CSMD1: variants seen among roughly 807,000 people sequenced by gnomAD.
The protein encoded by CSMD1 is CUB and Sushi multiple domains 1.
A neutral mutation model predicts 417.5 loss-of-function variants in CSMD1; 213 were observed. The observed-to-expected ratio is 0.51, with a 90% CI of 0.46 to 0.57. The LOEUF (loss-of-function observed/expected upper bound fraction) is 0.57. Ranked by LOEUF, CSMD1 falls within the 20% of genes least tolerant of loss-of-function variation. CSMD1 has a pLI of 0.00. For missense variants in CSMD1, 6,923 were observed against 4,529.7 expected (o/e 1.53, Z -15.17); for synonymous variants, 2,862 against 1,736.8 (o/e 1.65, Z -16.11).
At chr8:3,781,910 ACCC>A (rs1223515580) in intron 5 of CSMD1, among the ~76,000 whole-genome samples, 3 of 152,122 alleles carry the variant, frequency 2.0e-5, no homozygotes, top group African/African-American at 7.2e-5. Context: ...ATTTTGGTAG[ACCC>A]ATTTAATAAG....
Position 3,230,080 on chromosome 8 carries a change from A to T in CSMD1, c.4305T>A (p.Asn1435Lys). The T allele has an allele frequency of 1.9e-6, 3 of 1,611,846 alleles. No individual in the cohort carries two copies. The highest frequency in any genetic ancestry group is 2.5e-6 in the Non-Finnish European group (3 of 1,178,950). ...GQAKITCVQL[N>K]NRFFWQPDPP... ...GGTCTGGTTGCCAAAAGAACCGGTT[A>T]TTCAGCTGCACACAGGTGATTTTGG... The change falls in exon 27 of 70, where the codon AAT (asparagine) becomes AAA (lysine). Residue 1435 changes from asparagine to lysine, a missense_variant. Transcript: ENST00000635120.
At chr8:4,820,345 T>G (rs1336909541) in intron 1 of CSMD1, among the ~76,000 whole-genome samples, 1 of 152,172 alleles carries the variant, frequency 6.6e-6, no homozygotes, top group Non-Finnish European at 1.5e-5. Flanking sequence ...TATAAAAAGG[T>G]AAGAATGACT....
chr8:4,355,089 C>A (rs1026255355), intron 3 of CSMD1, among the ~76,000 whole-genome samples: 8 of 151,742 alleles, frequency 5.3e-5, no homozygotes, highest in African/African-American at 1.9e-4. Context: ...GGTGAAACCC[C>A]GTCTCTACTA....
At chr8:4,272,973 G>A (rs987935171) in intron 3 of CSMD1, among the ~76,000 whole-genome samples, 4 of 152,058 alleles carry the variant, frequency 2.6e-5, no homozygotes, top group Non-Finnish European at 5.9e-5. Flanking sequence ...TACAAAGGAA[G>A]GAAAACCACA....
At chr8:4,993,280 G>C (rs35789176) in intron 1 of CSMD1, among the ~76,000 whole-genome samples, 1 of 151,804 alleles carries the variant, frequency 6.6e-6, no homozygotes, top group African/African-American at 2.4e-5. Context: ...AGATACTCCC[G>C]GGAACATCTA....
intron 1 of CSMD1, chr8:4,788,097 G>T (rs1309802396): frequency 1.2e-6 from 2 of 1,603,498 alleles, no homozygotes; most frequent in African/African-American, 1.3e-5. Flanking sequence ...TTTGAAATCA[G>T]AAAGTCAGTG....
At chr8:3,853,940 G>T (rs1359430984) in intron 5 of CSMD1, among the ~76,000 whole-genome samples, 4 of 143,304 alleles carry the variant, frequency 2.8e-5, no homozygotes, top group Non-Finnish European at 4.5e-5. Flanking sequence ...ATATATTAAA[G>T]TATAATATAT....
intron 1 of CSMD1, among the ~76,000 whole-genome samples, chr8:4,726,218 C>T (rs1476134835): frequency 6.6e-6 from 1 of 151,990 alleles, no homozygotes; most frequent in Non-Finnish European, 1.5e-5. Context: ...CTTCATCACC[C>T]ATATTAGGGT....
chr8:4,746,064 A>G lies in CSMD1; in HGVS notation c.86-108506T>C, dbSNP rs555057098. ...AGTTTTTATTAAGATAATTTTTGTT[A>G]CTGTCAGCCCCTCACATCAGAAACC... On this transcript the variant is annotated intron_variant, in intron 1 of 69. Coordinates refer to ENST00000635120, the MANE Select transcript of CSMD1 (RefSeq NM_033225.6). Among the ~76,000 whole-genome samples, 20 of 152,296 alleles carry G rather than the reference A, an allele frequency of 1.3e-4. No homozygotes were observed. In the East Asian group the frequency reaches 3.7e-3, roughly 28 times the overall value.
At chr8:3,747,109 AAC>A (rs781754049) in intron 6 of CSMD1, among the ~76,000 whole-genome samples, 194 of 152,242 alleles carry the variant, frequency 1.3e-3, no homozygotes, top group Non-Finnish European at 2.3e-3. Context: ...TCGGTGGAGA[AAC>A]ACAGTTGTAA....
At chr8:4,773,625 T>G (rs1423316229) in intron 1 of CSMD1, among the ~76,000 whole-genome samples, 2 of 152,198 alleles carry the variant, frequency 1.3e-5, no homozygotes, top group Non-Finnish European at 2.9e-5. Context: ...GTTTGTCATC[T>G]CCTTTTGGGT....
chr8:3,270,668 T>C (rs990135754), intron 26 of CSMD1, among the ~76,000 whole-genome samples: 1 of 152,208 alleles, frequency 6.6e-6, no homozygotes, highest in African/African-American at 2.4e-5. Flanking sequence ...TATCAAGTAC[T>C]TCTGATAATA....
intron 3 of CSMD1, among the ~76,000 whole-genome samples, chr8:4,052,373 A>T (rs1228631031): frequency 1.3e-5 from 2 of 152,220 alleles, no homozygotes; most frequent in African/African-American, 4.8e-5. Context: ...TGCTATTTTC[A>T]TATAATATAA....
chr8:4,205,385 T>C (rs1285037263), intron 3 of CSMD1, among the ~76,000 whole-genome samples: 1 of 152,258 alleles, frequency 6.6e-6, no homozygotes, highest in Non-Finnish European at 1.5e-5. Context: ...AACAATTTTT[T>C]AGCCTTGGCA....
At chr8:3,092,976 G>C (rs1563331154) in intron 47 of CSMD1, among the ~76,000 whole-genome samples, 2 of 152,204 alleles carry the variant, frequency 1.3e-5, no homozygotes, top group African/African-American at 2.4e-5. Flanking sequence ...AATTTTATTT[G>C]TGCAAAGATA....
At position 4,927,653 on chromosome 8, in the gene CSMD1, T is replaced by G. The variant is rs200520062; in HGVS notation, c.85+66679A>C. ...AGGCAGGGCATCTACATTGGTATAA[T>G]TACTCAGGTAAGTGGTGATGACACT... is the stretch of plus-strand genomic sequence containing the variant. On this transcript the variant is annotated intron_variant, in intron 1 of 69. Coordinates refer to ENST00000635120, the MANE Select transcript of CSMD1 (RefSeq NM_033225.6). 5.9e-5 allele frequency among the ~76,000 whole-genome samples: 9 copies of G among 152,286 alleles called. No individual in the cohort carries two copies. The East Asian group carries it at 1.7e-3, about 29-fold the overall frequency.
At chr8:4,433,554 C>G (rs1202411995) in intron 2 of CSMD1, among the ~76,000 whole-genome samples, 1 of 152,128 alleles carries the variant, frequency 6.6e-6, no homozygotes, top group East Asian at 1.9e-4. Flanking sequence ...CTTGTGGAAG[C>G]AGACATGTGC....
chr8:3,811,944 G>C (rs1184693429), intron 5 of CSMD1, among the ~76,000 whole-genome samples: 1 of 152,040 alleles, frequency 6.6e-6, no homozygotes, highest in Non-Finnish European at 1.5e-5. Flanking sequence ...TCCTGGAAAG[G>C]CTTTTGTTTG....
chr8:4,399,480 G>C (rs74715296), intron 3 of CSMD1, among the ~76,000 whole-genome samples: 9 of 152,256 alleles, frequency 5.9e-5, no homozygotes, highest in African/African-American at 2.2e-4. Context: ...TTTTCCTCAT[G>C]TTCACGCTTA....
Sources: allele counts gnomAD v4.1 joint callset (sites outside exome capture counted in the v4.1 genomes callset), GRCh38; gene constraint gnomAD v4.1.1; transcripts MANE v1.5; gene names NCBI Gene and HGNC (gene_info 2026-07-23, HGNC 2026-07-21).